Variants in CFAP299 observed in about 807,000 individuals in gnomAD.
CFAP299 encodes the protein cilia and flagella associated protein 299.
Under a neutral mutation model 27.0 loss-of-function variants are expected in CFAP299, and 21 were observed. The ratio of observed to expected loss-of-function variants is 0.78; its 90% confidence interval spans 0.55 to 1.12. The LOEUF (loss-of-function observed/expected upper bound fraction) is 1.12, where lower values mean the gene tolerates loss of function less well. Ranked by LOEUF, CFAP299 falls within the 50% of genes most tolerant of loss-of-function variation. The probability of loss-of-function intolerance (pLI) is 0.00; values close to 1 mark genes in which losing one functional copy is unlikely to be tolerated. For synonymous variants in CFAP299, 104 were observed against 98.1 expected (o/e 1.06, Z -0.36); for missense variants, 310 against 276.6 (o/e 1.12, Z -0.86).
At chr4:80,354,128 C>G (rs1283034239) in intron 1 of CFAP299, among the ~76,000 whole-genome samples, 1 of 152,016 alleles carries the variant, frequency 6.6e-6, no homozygotes, top group Non-Finnish European at 1.5e-5. Context: ...CAAAACAATT[C>G]AAAAGGAAGA....
intron 3 of CFAP299, among the ~76,000 whole-genome samples, chr4:80,799,683 A>ATATTATATATTTAT (rs1313305792): frequency 0.045 from 386 of 8,658 alleles, 63 homozygotes; most frequent in East Asian, 0.21. Flanking sequence ...ATATATTTAT[A>ATATTATATATTTAT]AATATATAAT....
chr4:80,583,091 A>G lies in CFAP299; in HGVS notation c.243-2A>G, dbSNP rs952472936. 3.1e-6 allele frequency: 5 copies of G among 1,592,938 alleles called. No homozygotes were observed. The highest frequency in any genetic ancestry group is 2.3e-5 in the South Asian group (2 of 88,128). On this transcript the variant is annotated splice_acceptor_variant, in intron 2 of 5. Transcript: ENST00000358105. LOFTEE classifies it high-confidence loss of function. ...TTATAACTGAAGATCTGCCTTTTAC[A>G]GGACGCTAACAAGTGCTGGTAAAGA...
chr4:80,862,733 A>G (rs984262562), intron 3 of CFAP299, among the ~76,000 whole-genome samples: 1 of 152,166 alleles, frequency 6.6e-6, no homozygotes, highest in African/African-American at 2.4e-5. Flanking sequence ...CAAGCCTCCA[A>G]CAGGAAAGAC....
At chr4:80,570,058 A>C (rs1333932340) in intron 2 of CFAP299, among the ~76,000 whole-genome samples, 2 of 152,046 alleles carry the variant, frequency 1.3e-5, no homozygotes, top group African/African-American at 2.4e-5. Context: ...AGTCATTGAC[A>C]GTGTGATATT....
intron 2 of CFAP299, chr4:80,386,928 C>T (rs527576632): frequency 2.4e-5 from 20 of 850,472 alleles, no homozygotes; most frequent in Admixed American, 1.4e-4. Context: ...GTTGTGAGCG[C>T]GCAGTTTGAG....
chr4:80,673,315 C>T (rs1171983572), intron 3 of CFAP299, among the ~76,000 whole-genome samples: 4 of 152,026 alleles, frequency 2.6e-5, no homozygotes, highest in East Asian at 3.9e-4. Flanking sequence ...TGTAGTTGAG[C>T]GGTTTTGAGT....
At chr4:80,881,393 G>C (rs1366472361) in intron 4 of CFAP299, among the ~76,000 whole-genome samples, 3 of 152,202 alleles carry the variant, frequency 2.0e-5, no homozygotes, top group African/African-American at 7.2e-5. Flanking sequence ...ATAACCAGCA[G>C]AGCTCAATCC....
At chr4:80,380,421 CATTTT>C (rs1198120399) in intron 2 of CFAP299, among the ~76,000 whole-genome samples, 10 of 109,100 alleles carry the variant, frequency 9.2e-5, no homozygotes, top group African/African-American at 3.4e-4. Context: ...TTGTGTCTCA[CATTTT>C]TTTTTTTTTT....
At chr4:80,333,732 G>T (rs938013074), upstream of CFAP299, among the ~76,000 whole-genome samples, 1 of 151,980 alleles carries the variant, frequency 6.6e-6, no homozygotes, top group African/African-American at 2.4e-5. Context: ...TTGTCCTTTT[G>T]CAAAGAATGG....
intron 2 of CFAP299, among the ~76,000 whole-genome samples, chr4:80,422,644 ACTTAAATG>A (rs1727343166): frequency 6.6e-6 from 1 of 152,148 alleles, no homozygotes; most frequent in African/African-American, 2.4e-5. Flanking sequence ...TAGTGAGTAT[ACTTAAATG>A]CTTAAATTGA....
intron 4 of CFAP299, among the ~76,000 whole-genome samples, chr4:80,878,792 A>C (rs1733546405): frequency 6.6e-6 from 1 of 152,126 alleles, no homozygotes; most frequent in South Asian, 2.1e-4. Flanking sequence ...GGAATTGTAC[A>C]CAACTTTCAA....
intron 3 of CFAP299, among the ~76,000 whole-genome samples, chr4:80,810,872 C>A (rs1159617345): frequency 6.6e-6 from 1 of 152,098 alleles, no homozygotes; most frequent in Admixed American, 6.6e-5. Context: ...CTGATTAAAT[C>A]ACTCCAGCCT....
intron 3 of CFAP299, among the ~76,000 whole-genome samples, chr4:80,827,950 A>G (rs1730076164): frequency 6.6e-6 from 1 of 152,064 alleles, no homozygotes; most frequent in Non-Finnish European, 1.5e-5. Flanking sequence ...TTTGTTTATA[A>G]TAATATGAAA....
intron 3 of CFAP299, among the ~76,000 whole-genome samples, chr4:80,659,068 T>C (rs1740701333): frequency 6.6e-6 from 1 of 152,168 alleles, no homozygotes; most frequent in African/African-American, 2.4e-5. Context: ...ATTTTGGCTT[T>C]AGTTCTGAAT....
intron 2 of CFAP299, chr4:80,387,601 TTTC>T: frequency 1.6e-6 from 2 of 1,232,318 alleles, no homozygotes; most frequent in Non-Finnish European, 2.4e-6. Context: ...AGTCACAGAG[TTTC>T]GAGACACAGT....
At chr4:80,853,325 C>T (rs1475462620) in intron 3 of CFAP299, among the ~76,000 whole-genome samples, 2 of 152,110 alleles carry the variant, frequency 1.3e-5, no homozygotes, top group Admixed American at 6.6e-5. Context: ...GCCACCATGC[C>T]CAGCCAAAAG....
intron 4 of CFAP299, among the ~76,000 whole-genome samples, chr4:80,896,507 T>G (rs932056703): frequency 6.7e-6 from 1 of 149,722 alleles, no homozygotes; most frequent in African/African-American, 2.5e-5. Context: ...AACATGTGGC[T>G]TCTGTGGGCT....
chr4:80,918,975 C>T lies in CFAP299; in HGVS notation c.477-25835C>T, dbSNP rs1280789206. ...TGGTGGCTGAGATGTCCAGCAGAAG[C>T]AAGAGCCCCTTTATCAATGAGAAGG... On this transcript the variant is annotated intron_variant, in intron 4 of 5. Coordinates refer to ENST00000358105, the MANE Select transcript of CFAP299 (RefSeq NM_152770.3). Among the ~76,000 whole-genome samples the T allele has an allele frequency of 4.6e-5, 7 of 152,134 alleles. No individual in the cohort carries two copies. In the South Asian group the frequency reaches 1.5e-3, roughly 32 times the overall value.
intron 3 of CFAP299, among the ~76,000 whole-genome samples, chr4:80,776,162 C>A (rs142178807): frequency 2.0e-5 from 3 of 152,204 alleles, no homozygotes; most frequent in African/African-American, 7.2e-5. Context: ...CAAGGAAATG[C>A]TTGTACAGGT....
Sources: allele counts gnomAD v4.1 joint callset (sites outside exome capture counted in the v4.1 genomes callset), GRCh38; gene constraint gnomAD v4.1.1; transcripts MANE v1.5; gene names NCBI Gene and HGNC (gene_info 2026-07-23, HGNC 2026-07-21).